Variants in FTCDNL1 observed in about 807,000 individuals in gnomAD.
FTCDNL1 encodes the protein formiminotransferase cyclodeaminase N-terminal like.
A neutral mutation model predicts 5.9 loss-of-function variants in FTCDNL1; 11 were observed. The ratio of observed to expected loss-of-function variants is 1.87; its 90% CI spans 1.18 to 3.10. FTCDNL1 has a LOEUF of 3.10. Among genes scored for constraint, FTCDNL1 ranks in the 30% most tolerant of loss-of-function variants. The pLI, the probability that FTCDNL1 is intolerant of heterozygous loss-of-function variation, is 0.00. For synonymous variants in FTCDNL1, 58 were observed against 24.8 expected (o/e 2.34, Z -3.99); for missense variants, 115 against 65.5 (o/e 1.76, Z -2.61).
chr2:199,826,453 T>A, intron 3 of FTCDNL1, among the ~76,000 whole-genome samples: 1 of 141,184 alleles, frequency 7.1e-6, no homozygotes, highest in African/African-American at 2.6e-5. Flanking sequence ...AACCTTTCTC[T>A]AAATCACCAA....
chr2:199,679,076 T>C, the FTCDNL1 span, among the ~76,000 whole-genome samples: 3 of 152,274 alleles, frequency 2.0e-5, no homozygotes, highest in African/African-American at 7.2e-5. Context: ...CTTACCGGCA[T>C]TCAAAATGTT....
the FTCDNL1 span, among the ~76,000 whole-genome samples, chr2:199,734,471 T>A: frequency 6.6e-6 from 1 of 152,202 alleles, no homozygotes; most frequent in Non-Finnish European, 1.5e-5. Flanking sequence ...GGCAGGATAT[T>A]TGGAGATTAT....
At chr2:199,841,363 G>A (rs771548315) in intron 3 of FTCDNL1, among the ~76,000 whole-genome samples, 112 of 152,056 alleles carry the variant, frequency 7.4e-4, no homozygotes, top group Non-Finnish European at 6.6e-4. Context: ...TCCAGCCTGG[G>A]TGACACAGCG....
At chr2:199,737,758 CTGAATAACG>C in the FTCDNL1 span, among the ~76,000 whole-genome samples, 2 of 152,204 alleles carry the variant, frequency 1.3e-5, no homozygotes, top group Non-Finnish European at 2.9e-5. Context: ...TTTTGAAAGG[CTGAATAACG>C]TGAATAAAGA....
At chr2:199,749,621 C>T in the FTCDNL1 span, among the ~76,000 whole-genome samples, 1 of 152,132 alleles carries the variant, frequency 6.6e-6, no homozygotes, top group Non-Finnish European at 1.5e-5. Flanking sequence ...GTGTACCAGG[C>T]ACTATCTTAT....
rs547724887 is a variant in FTCDNL1 at position 199,797,525 on chromosome 2, A to G, written c.212-36690T>C. ...AAAGATGTGGCCATATGGTGTGAAA[A>G]TCCAGAATCAAGGAAAGAATGAGAT... is the stretch of plus-strand genomic sequence containing the variant. On this transcript the variant is annotated intron_variant, in intron 3 of 3. Transcript: ENST00000416668. Among the ~76,000 whole-genome samples, 166 of 152,326 alleles carry G rather than the reference A, an allele frequency of 1.1e-3. No individual in the cohort carries two copies. The Middle Eastern group carries it at 0.017, about 16-fold the overall frequency.
chr2:199,682,460 C>G, the FTCDNL1 span, among the ~76,000 whole-genome samples: 3 of 152,134 alleles, frequency 2.0e-5, no homozygotes. Flanking sequence ...TACAACTGTA[C>G]TATATATTGT....
chr2:199,786,124 C>A (rs1433310552), intron 3 of FTCDNL1, among the ~76,000 whole-genome samples: 2 of 152,084 alleles, frequency 1.3e-5, no homozygotes, highest in Non-Finnish European at 2.9e-5. Context: ...TCCTAACAGG[C>A]CACAGACCAG....
intron 3 of FTCDNL1, among the ~76,000 whole-genome samples, chr2:199,794,952 C>A (rs1392871098): frequency 6.6e-6 from 1 of 152,148 alleles, no homozygotes; most frequent in Admixed American, 6.5e-5. Context: ...GCACCTTACC[C>A]TCTTGAAGAG....
At chr2:199,669,075 G>A in the FTCDNL1 span, among the ~76,000 whole-genome samples, 96 of 151,812 alleles carry the variant, frequency 6.3e-4, 1 homozygote, top group Non-Finnish European at 1.2e-3. Context: ...AATTTATTTC[G>A]CGGGTTTGGG....
chr2:199,776,958 ATGTG>A (rs56145074), intron 3 of FTCDNL1, among the ~76,000 whole-genome samples: 20,444 of 135,774 alleles, frequency 0.15, 1,732 homozygotes, highest in Non-Finnish European at 0.19. Flanking sequence ...ATGTGTGTAT[ATGTG>A]TGTGTGTGTG....
chr2:199,729,894 G>C, the FTCDNL1 span, among the ~76,000 whole-genome samples: 1 of 152,116 alleles, frequency 6.6e-6, no homozygotes, highest in African/African-American at 2.4e-5. Context: ...ATATAGCCAA[G>C]ACAATCCTAA....
chr2:199,670,219 A>T, the FTCDNL1 span, among the ~76,000 whole-genome samples: 1 of 152,248 alleles, frequency 6.6e-6, no homozygotes, highest in African/African-American at 2.4e-5. Context: ...CTGGCTTAAA[A>T]GCAGAGATTC....
chr2:199,729,434 A>T, the FTCDNL1 span, among the ~76,000 whole-genome samples: 1 of 152,226 alleles, frequency 6.6e-6, no homozygotes, highest in African/African-American at 2.4e-5. Context: ...GGATGACATG[A>T]TTGTATATTT....
At chr2:199,765,532 T>TTATATATATA (rs1319054963) in intron 3 of FTCDNL1, among the ~76,000 whole-genome samples, 22 of 79,586 alleles carry the variant, frequency 2.8e-4, no homozygotes, top group South Asian at 6.6e-4. Flanking sequence ...TTTGTCTTCA[T>TTATATATATA]TATATATATA....
chr2:199,692,037 T>C, the FTCDNL1 span, among the ~76,000 whole-genome samples: 1 of 152,302 alleles, frequency 6.6e-6, no homozygotes, highest in East Asian at 1.9e-4. Flanking sequence ...TATCTTAAAA[T>C]GCGGAACACA....
intron 3 of FTCDNL1, among the ~76,000 whole-genome samples, chr2:199,831,656 G>C (rs182554722): frequency 1.1e-3 from 171 of 152,262 alleles, no homozygotes; most frequent in African/African-American, 4.0e-3. Context: ...GAAAATTCTG[G>C]ATTTGGGGCA....
At chr2:199,813,689 G>T (rs1027572267) in intron 4 of FTCDNL1, among the ~76,000 whole-genome samples, 2 of 152,036 alleles carry the variant, frequency 1.3e-5, no homozygotes, top group Non-Finnish European at 2.9e-5. Flanking sequence ...GAGGCAGGCG[G>T]ATCACAAGGT....
chr2:199,691,610 T>TTGC, the FTCDNL1 span, among the ~76,000 whole-genome samples: 1 of 152,228 alleles, frequency 6.6e-6, no homozygotes, highest in Non-Finnish European at 1.5e-5. Context: ...TGCTTGTAGT[T>TTGC]TGCTCCCTTT....
Sources: allele counts gnomAD v4.1 joint callset (sites outside exome capture counted in the v4.1 genomes callset), GRCh38; gene constraint gnomAD v4.1.1; transcripts MANE v1.5; gene names NCBI Gene and HGNC (gene_info 2026-07-23, HGNC 2026-07-21).